ZDHHC7: variants seen among roughly 807,000 people sequenced by gnomAD.
The protein encoded by ZDHHC7 is zDHHC palmitoyltransferase 7, also known as palmitoyltransferase ZDHHC7.
Under a neutral mutation model 34.1 loss-of-function variants are expected in ZDHHC7, and 12 were observed. The observed-to-expected ratio is 0.35, with a 90% CI of 0.23 to 0.57. The LOEUF is 0.57. Among genes scored for constraint, ZDHHC7 ranks in the 20% least tolerant of loss-of-function variants. ZDHHC7 has a pLI of 0.84. For missense variants in ZDHHC7, 388 were observed against 402.7 expected (o/e 0.96, Z 0.31); for synonymous variants, 185 against 155.4 (o/e 1.19, Z -1.42).
In ZDHHC7 at chr16:84,998,749, CTT is replaced by C. The variant is rs71151260; in HGVS notation, c.-103-2744_-103-2743del. On this transcript the variant is annotated intron_variant, in intron 1 of 7. Coordinates refer to ENST00000313732, the MANE Select transcript of ZDHHC7 (RefSeq NM_017740.3). ...CTCCAGCTCTCAATCCCTTCTGAACCTTTTTTTTTTTTTTTTTTTTTTGAGAT... is the reference window on the plus strand; with the variant it reads ...CTCCAGCTCTCAATCCCTTCTGAACCTTTTTTTTTTTTTTTTTTTTGAGAT... Among the ~76,000 whole-genome samples, 885 of 112,444 alleles carry C rather than the reference CTT, an allele frequency of 7.9e-3. 5 individuals carry two copies. Among genetic ancestry groups the C allele is most frequent in the African/African-American group, 0.031 (824 of 26,908 alleles). The allele number at this position is 112,444 out of a possible 152,430, so 73.8% of individuals were successfully genotyped here. A position where few individuals can be genotyped will look rare whatever the true frequency, so the allele number is the denominator to read the frequency against.
intron 3 of ZDHHC7, among the ~76,000 whole-genome samples, chr16:84,984,802 C>G (rs560430948): frequency 6.6e-6 from 1 of 152,194 alleles, no homozygotes; most frequent in South Asian, 2.1e-4. Context: ...GGCCCCGAGT[C>G]TATCACCTAC....
chr16:84,978,629 G>A (rs369424483), intron 5 of ZDHHC7, among the ~76,000 whole-genome samples: 9 of 152,002 alleles, frequency 5.9e-5, no homozygotes, highest in East Asian at 1.9e-4. Flanking sequence ...TTGGGAGGCC[G>A]AGGTGGGCGG....
the ZDHHC7 span, among the ~76,000 whole-genome samples, chr16:85,019,272 A>G: frequency 6.6e-6 from 1 of 152,072 alleles, no homozygotes; most frequent in Non-Finnish European, 1.5e-5. Flanking sequence ...CCCGTTGACT[A>G]TTCCTCATCG....
At chr16:85,012,675 C>G (rs540451666), upstream of ZDHHC7, among the ~76,000 whole-genome samples, 10 of 152,192 alleles carry the variant, frequency 6.6e-5, no homozygotes, top group South Asian at 1.5e-3. Flanking sequence ...GAGGCCGAGG[C>G]AGGCAGATCA....
At position 84,976,538 on chromosome 16, in the gene ZDHHC7, G is replaced by C. The variant is rs1297453055; in HGVS notation, c.751-19C>G. The C allele has an allele frequency of 4.3e-6, 7 of 1,610,764 alleles. No homozygotes were observed. Among genetic ancestry groups the C allele is most frequent in the South Asian group, 1.1e-5 (1 of 90,794 alleles). ...CGATCTCCTGGAAGCAGAAAGAAAAGCAAGTGGCAGCGGCTCCAGGAAGCT... is the reference window on the plus strand; with the variant it reads ...CGATCTCCTGGAAGCAGAAAGAAAACCAAGTGGCAGCGGCTCCAGGAAGCT... On this transcript the variant is annotated intron_variant, in intron 7 of 7. Coordinates refer to ENST00000313732, the MANE Select transcript of ZDHHC7 (RefSeq NM_017740.3).
At chr16:84,999,102 C>A (rs2072621938) in intron 1 of ZDHHC7, among the ~76,000 whole-genome samples, 1 of 152,140 alleles carries the variant, frequency 6.6e-6, no homozygotes, top group South Asian at 2.1e-4. Flanking sequence ...ATCTATGCAC[C>A]AGCCAGAAAC....
chr16:84,983,134 GC>G (rs1475884818), intron 3 of ZDHHC7, among the ~76,000 whole-genome samples: 1 of 152,218 alleles, frequency 6.6e-6, no homozygotes, highest in African/African-American at 2.4e-5. Flanking sequence ...CCTGGATCCT[GC>G]ACTTCACGTA....
At chr16:85,011,611 C>A (rs28372861), upstream of ZDHHC7, 1 of 152,204 alleles carries the variant, frequency 6.6e-6, no homozygotes, top group African/African-American at 2.4e-5. Flanking sequence ...GCGCTCGAGG[C>A]GGTTTGAGGG....
At chr16:85,013,144 C>G (rs34168095), upstream of ZDHHC7, among the ~76,000 whole-genome samples, 14,594 of 152,192 alleles carry the variant, frequency 0.096, 1,032 homozygotes, top group African/African-American at 0.19. Flanking sequence ...TATTAAGTTT[C>G]TTCCCATATA....
intron 1 of ZDHHC7, among the ~76,000 whole-genome samples, chr16:84,998,996 C>T (rs2072620451): frequency 6.6e-6 from 1 of 152,128 alleles, no homozygotes; most frequent in Non-Finnish European, 1.5e-5. Context: ...CTCAGGTGAT[C>T]CGCCCGCCTC....
rs1016507730 is a variant in ZDHHC7, at chr16:84,974,781, C to G, written c.*1562G>C. The G allele has an allele frequency of 3.3e-5, 5 of 152,648 alleles. No homozygotes were observed. Among genetic ancestry groups the G allele is most frequent in the African/African-American group, 1.2e-4 (5 of 41,444 alleles). 9.5% of individuals were successfully genotyped at this position (152,648 alleles called of 1,614,324 possible). ...ACGGCGCACACGCTTCTGCGGTGAC[C>G]AAGTCCACTTCCAAACCCCCTGCAG... On this transcript the variant is annotated 3_prime_UTR_variant, in exon 8 of 8. Transcript: ENST00000313732.
chr16:84,993,265 G>A (rs377682266), intron 2 of ZDHHC7, among the ~76,000 whole-genome samples: 2 of 152,100 alleles, frequency 1.3e-5, no homozygotes, highest in South Asian at 2.1e-4. Context: ...AGGCTGCAGT[G>A]AGCCATGATC....
chr16:84,998,675 T>A (rs1169294789), intron 1 of ZDHHC7, among the ~76,000 whole-genome samples: 2 of 150,620 alleles, frequency 1.3e-5, no homozygotes, highest in Non-Finnish European at 3.0e-5. Flanking sequence ...CTCAAGCTTC[T>A]GCCCAGGCCC....
rs559739968 is a variant in ZDHHC7, at chr16:84,979,385, T to C, written c.441-100A>G. 8.9e-6 allele frequency: 13 copies of C among 1,455,856 alleles called. No homozygotes were observed. In the Admixed American group the frequency reaches 1.7e-4, roughly 19 times the overall value. The allele number at this position is 1,455,856 out of a possible 1,614,324, so 90.2% of individuals were successfully genotyped here. Reference sequence around the variant, plus strand: ...AGGTGGAGGAAAATTAGAATGTATATTCTAATACAACATGTCAAAAAATAT... The same window carrying C: ...AGGTGGAGGAAAATTAGAATGTATACTCTAATACAACATGTCAAAAAATAT... On this transcript the variant is annotated intron_variant, in intron 4 of 7. Transcript: ENST00000313732.
the ZDHHC7 span, among the ~76,000 whole-genome samples, chr16:85,023,029 T>A: frequency 2.2e-4 from 33 of 152,284 alleles, no homozygotes; most frequent in African/African-American, 7.2e-4. Flanking sequence ...GCAATGCAGG[T>A]GGCCTCTAGA....
chr16:85,024,811 T>C, the ZDHHC7 span, among the ~76,000 whole-genome samples: 5 of 152,186 alleles, frequency 3.3e-5, no homozygotes. Context: ...ATTCCAACAA[T>C]CTGGCCTCAG....
At chr16:84,991,355 G>A (rs1419759861) in intron 2 of ZDHHC7, among the ~76,000 whole-genome samples, 1 of 151,532 alleles carries the variant, frequency 6.6e-6, no homozygotes, top group Non-Finnish European at 1.5e-5. Context: ...GTGCGATCTT[G>A]GCTCACTGCA....
At chr16:85,011,952 G>A (rs1461827128), upstream of ZDHHC7, among the ~76,000 whole-genome samples, 1 of 152,232 alleles carries the variant, frequency 6.6e-6, no homozygotes, top group East Asian at 1.9e-4. Flanking sequence ...AAAGAGGAAA[G>A]CGCCCTGAAC....
chr16:85,013,368 G>A (rs531295948), upstream of ZDHHC7, among the ~76,000 whole-genome samples: 125 of 151,584 alleles, frequency 8.2e-4, no homozygotes, highest in African/African-American at 2.9e-3. Flanking sequence ...TCAACCTCCT[G>A]AGTAGCTGGA....
Sources: allele counts gnomAD v4.1 joint callset (sites outside exome capture counted in the v4.1 genomes callset), GRCh38; gene constraint gnomAD v4.1.1; transcripts MANE v1.5; gene names NCBI Gene and HGNC (gene_info 2026-07-23, HGNC 2026-07-21).